PDE11A: variants seen among roughly 807,000 people sequenced by gnomAD.
PDE11A encodes the protein dual 3',5'-cyclic-AMP and -GMP phosphodiesterase 11A.
PDE11A carries 100 observed loss-of-function variants against 100.5 expected under a neutral mutation model. That is an observed-to-expected ratio of 1.00 (90% CI 0.85 to 1.18). PDE11A has a LOEUF of 1.18. PDE11A is among the 50% of genes most tolerant of loss of function. PDE11A has a pLI of 0.00. For synonymous variants in PDE11A, 381 were observed against 420.8 expected (o/e 0.91, Z 1.16); for missense variants, 1,141 against 1,152.6 (o/e 0.99, Z 0.15).
At chr2:177,680,755 A>T in intron 16 of PDE11A, 71 bp downstream of exon 16, 3 of 816,712 alleles carry the variant, frequency 3.7e-6, no homozygotes, top group Non-Finnish European at 6.4e-6. Flanking sequence ...TGCTCTTAGT[A>T]CTGTCAGAAA....
intron 9 of PDE11A, among the ~76,000 whole-genome samples, chr2:177,800,663 A>G (rs2082779550): frequency 6.6e-6 from 1 of 152,232 alleles, no homozygotes; most frequent in African/African-American, 2.4e-5. Flanking sequence ...TACTGGGCAC[A>G]TAATGGTGAA....
At chr2:177,748,915 T>C (rs888829138) in intron 10 of PDE11A, among the ~76,000 whole-genome samples, 3 of 152,214 alleles carry the variant, frequency 2.0e-5, no homozygotes, top group Non-Finnish European at 2.9e-5. Context: ...TGCAGGTAGG[T>C]TATTTATATT....
chr2:178,052,573 G>T (rs1404216483), intron 1 of PDE11A, among the ~76,000 whole-genome samples: 1 of 152,076 alleles, frequency 6.6e-6, no homozygotes, highest in Non-Finnish European at 1.5e-5. Flanking sequence ...ATGAATCCAG[G>T]AGCTGGTTTT....
intron 2 of PDE11A, among the ~76,000 whole-genome samples, chr2:177,954,972 A>T (rs1251901809): frequency 6.6e-6 from 1 of 152,190 alleles, no homozygotes; most frequent in Non-Finnish European, 1.5e-5. Context: ...TATGAGTACT[A>T]AAAAAGCAAT....
chr2:177,899,770 C>A (rs2084669560), intron 3 of PDE11A, among the ~76,000 whole-genome samples: 1 of 149,000 alleles, frequency 6.7e-6, no homozygotes, highest in Admixed American at 6.7e-5. Flanking sequence ...CCTCCATATA[C>A]AAAAATATAC....
At chr2:177,690,499 AT>A (rs1011578110) in intron 15 of PDE11A, among the ~76,000 whole-genome samples, 2 of 152,312 alleles carry the variant, frequency 1.3e-5, no homozygotes, top group East Asian at 1.9e-4. Context: ...TCCCACTGTA[AT>A]TTTTTTAAAT....
In PDE11A at chr2:178,018,377, A is replaced by ACTTGACTTGAACTTGGCACG; in HGVS notation, c.913-3918_913-3917insCGTGCCAAGTTCAAGTCAAG. On this transcript the variant is annotated intron_variant, in intron 1 of 19. Transcript: ENST00000286063. ...GCTGCCAAGGCAGGCCTTTTGGCACACTTGACTTTAACCTTTGCCGGGCTT... is the reference window on the plus strand; with the variant it reads ...GCTGCCAAGGCAGGCCTTTTGGCACACTTGACTTGAACTTGGCACGCTTGACTTTAACCTTTGCCGGGCTT... 6.3e-5 allele frequency: 30 copies of ACTTGACTTGAACTTGGCACG among 478,312 alleles called. 1 individual carries two copies. Among genetic ancestry groups the ACTTGACTTGAACTTGGCACG allele is most frequent in the South Asian group, 4.8e-4 (30 of 62,322 alleles). 29.6% of individuals were successfully genotyped at this position (478,312 alleles called of 1,614,324 possible).
intron 5 of PDE11A, among the ~76,000 whole-genome samples, chr2:177,851,671 T>C (rs2083708527): frequency 6.6e-6 from 1 of 152,218 alleles, no homozygotes; most frequent in African/African-American, 2.4e-5. Context: ...TGTGGTTTCA[T>C]GCACAAGCTT....
chr2:177,730,251 G>A (rs775354112), intron 10 of PDE11A, among the ~76,000 whole-genome samples: 18 of 152,052 alleles, frequency 1.2e-4, no homozygotes, highest in East Asian at 7.8e-4. Context: ...GACAGATCCC[G>A]GTGTGTGATG....
chr2:177,985,713 T>A (rs1030803466), intron 2 of PDE11A, among the ~76,000 whole-genome samples: 26 of 152,232 alleles, frequency 1.7e-4, no homozygotes, highest in Admixed American at 9.2e-4. Flanking sequence ...CTCAGTCTCT[T>A]AATCTGTAAA....
rs111720489 is a variant in PDE11A, at chr2:177,763,822, G to C, written c.1788+5501C>G. Among the ~76,000 whole-genome samples, 272 of 152,312 alleles carry C rather than the reference G, an allele frequency of 1.8e-3. 1 individual carries two copies. The highest frequency in any genetic ancestry group is 0.011 in the South Asian group (51 of 4,824). ...GATTGCACAGGGCGGTGGCTAGCGC[G>C]TGTAGTGCCTTTGTGGCAATTGGAG... is the stretch of plus-strand genomic sequence containing the variant. On this transcript the variant is annotated intron_variant, in intron 10 of 19. Coordinates refer to ENST00000286063, the MANE Select transcript of PDE11A (RefSeq NM_016953.4).
chr2:177,875,939 A>C lies in PDE11A; in HGVS notation c.1303-16T>G, dbSNP rs1339169778. On this transcript the variant is annotated splice_polypyrimidine_tract_variant and intron_variant, in intron 4 of 19. Coordinates refer to ENST00000286063, the MANE Select transcript of PDE11A (RefSeq NM_016953.4). The stretch of plus-strand genomic sequence containing the variant: ...ATTTCACCACCTGTCGCATAGAAAG[A>C]TAATAAATCCAGGTCAATTAAAGCT... 1.2e-5 allele frequency: 18 copies of C among 1,540,838 alleles called. No individual in the cohort carries two copies. Among genetic ancestry groups the C allele is most frequent in the Middle Eastern group, 3.4e-4 (2 of 5,936 alleles).
At chr2:177,803,200 G>A (rs2082818356) in intron 9 of PDE11A, among the ~76,000 whole-genome samples, 1 of 151,690 alleles carries the variant, frequency 6.6e-6, no homozygotes, top group Admixed American at 6.6e-5. Flanking sequence ...AGAATAAGAT[G>A]AAATAATAGA....
chr2:177,638,093 A>T (rs966501185), intron 19 of PDE11A, among the ~76,000 whole-genome samples: 1 of 143,436 alleles, frequency 7.0e-6, no homozygotes, highest in Non-Finnish European at 1.5e-5. Context: ...TCCGCCTCCC[A>T]GGTTCACGCC....
intron 6 of PDE11A, among the ~76,000 whole-genome samples, chr2:177,838,451 C>A (rs897243522): frequency 6.6e-6 from 1 of 152,142 alleles, no homozygotes; most frequent in Non-Finnish European, 1.5e-5. Flanking sequence ...AAAAGAAAGA[C>A]AAAAGCTGTA....
chr2:177,643,358 CTTG>C (rs1156489406), intron 19 of PDE11A, among the ~76,000 whole-genome samples: 5 of 152,196 alleles, frequency 3.3e-5, no homozygotes, highest in African/African-American at 9.6e-5. Context: ...AGATGAGGAA[CTTG>C]TTGGGAAGTG....
At chr2:177,796,261 C>A (rs2082707224) in intron 9 of PDE11A, among the ~76,000 whole-genome samples, 1 of 151,958 alleles carries the variant, frequency 6.6e-6, no homozygotes, top group Non-Finnish European at 1.5e-5. Context: ...TCTCTTCTAT[C>A]CCCTGGAAAG....
chr2:178,046,926 G>A (rs1472154249), intron 1 of PDE11A, among the ~76,000 whole-genome samples: 1 of 152,106 alleles, frequency 6.6e-6, no homozygotes, highest in African/African-American at 2.4e-5. Flanking sequence ...TTGTGAAGTT[G>A]TTAGTTTGAG....
intron 17 of PDE11A, among the ~76,000 whole-genome samples, chr2:177,670,350 A>G (rs2080659137): frequency 6.6e-6 from 1 of 150,854 alleles, no homozygotes; most frequent in Admixed American, 6.7e-5. Flanking sequence ...TTGGATGGTC[A>G]GCAGCTACTG....
Sources: allele counts gnomAD v4.1 joint callset (sites outside exome capture counted in the v4.1 genomes callset), GRCh38; gene constraint gnomAD v4.1.1; transcripts MANE v1.5; gene names NCBI Gene and HGNC (gene_info 2026-07-23, HGNC 2026-07-21).